Variants in ANKRD24 observed in about 807,000 individuals in gnomAD.
ANKRD24 encodes ankyrin repeat domain 24, also known as ankyrin repeat domain-containing protein 24.
ANKRD24 carries 109 observed loss-of-function variants against 127.8 expected under a neutral mutation model. That is an observed-to-expected ratio of 0.85 (90% CI 0.73 to 1.00). The LOEUF (loss-of-function observed/expected upper bound fraction) is 1.00. ANKRD24 is among the 50% of genes least tolerant of loss of function. The pLI is 0.00. For missense variants in ANKRD24, 1,648 were observed against 1,570.2 expected (o/e 1.05, Z -0.84); for synonymous variants, 743 against 671.1 (o/e 1.11, Z -1.66).
In ANKRD24 at chr19:4,198,695, G is replaced by T. The variant is rs1369762157; in HGVS notation, c.37-988G>T. Among the ~76,000 whole-genome samples the T allele has an allele frequency of 1.3e-5, 2 of 152,230 alleles. No homozygotes were observed. Among genetic ancestry groups the T allele is most frequent in the Non-Finnish European group, 2.9e-5 (2 of 68,034 alleles). The stretch of plus-strand genomic sequence containing the variant: ...GAACAGAGGTTGGGGCAGCTTTTGG[G>T]GGAATGGAAGAGACATTTGGGGAGA... On this transcript the variant is annotated intron_variant, in intron 2 of 21. Coordinates refer to ENST00000318934, the MANE Select transcript of ANKRD24 (RefSeq NM_001393985.1). This position sits in a 1 kb window ranked among gnomAD's most constrained non-coding sequence, Gnocchi z 6.1.
chr19:4,221,874 C>T (rs1217540991), intron 19 of ANKRD24, among the ~76,000 whole-genome samples: 10 of 152,152 alleles, frequency 6.6e-5, no homozygotes, highest in African/African-American at 1.7e-4. Context: ...GACTGAGCAG[C>T]GTCCTTGACC....
chr19:4,191,375 TCTC>T (rs1968376623), intron 2 of ANKRD24, among the ~76,000 whole-genome samples: 3 of 152,146 alleles, frequency 2.0e-5, no homozygotes, highest in African/African-American at 7.2e-5. Context: ...CTGCTACCCC[TCTC>T]CTCCTCTCCT....
At chr19:4,183,974 G>T (rs111867062) in intron 1 of ANKRD24, among the ~76,000 whole-genome samples, 54 of 152,176 alleles carry the variant, frequency 3.5e-4, no homozygotes, top group African/African-American at 1.3e-3. Context: ...GTGACATGAA[G>T]TACAGAAAGA....
Position 4,207,865 on chromosome 19 carries a change from C to A in ANKRD24, c.729C>A (p.Thr243=). Residue 243 remains threonine (T), a synonymous_variant, in exon 10 of 22, where the codon ACC becomes ACA. Coordinates refer to ENST00000318934, the MANE Select transcript of ANKRD24 (RefSeq NM_001393985.1). ...AGGGCGGAGCCCAGCCGGGCATCAC[C>A]GATGCGCTGGGGCAGGACGCGGCTC... The part of the protein sequence containing the change: ...LLQGGAQPGI[T]DALGQDAAHY... 6.4e-7 allele frequency: 1 copy of A among 1,560,952 alleles called. No homozygotes were observed. Among genetic ancestry groups the A allele is most frequent in the Non-Finnish European group, 8.7e-7 (1 of 1,155,276 alleles).
chr19:4,216,418 C>T lies in ANKRD24; in HGVS notation c.1389+16C>T, dbSNP rs1307670192. The T allele has an allele frequency of 1.3e-6, 2 of 1,559,914 alleles. No homozygotes were observed. The highest frequency in any genetic ancestry group is 1.7e-6 in the Non-Finnish European group (2 of 1,151,826). On this transcript the variant is annotated intron_variant, in intron 17 of 21. Coordinates refer to ENST00000318934, the MANE Select transcript of ANKRD24 (RefSeq NM_001393985.1). ...GAAGGTCCAGGTAGGGAAAGTGAGGCTGGGGACAGATCTGAGGACCTAGGG... is the reference window on the plus strand; with the variant it reads ...GAAGGTCCAGGTAGGGAAAGTGAGGTTGGGGACAGATCTGAGGACCTAGGG...
At position 4,217,617 on chromosome 19, in the gene ANKRD24, G is replaced by A. The variant is rs1313308524; in HGVS notation, c.2457G>A (p.Arg819=). The change falls in exon 18 of 22, where the codon CGG becomes CGA. Residue 819 remains arginine (R), a synonymous_variant. Coordinates refer to ENST00000318934, the MANE Select transcript of ANKRD24 (RefSeq NM_001393985.1). The stretch of plus-strand genomic sequence containing the variant: ...CCTCGGCCTGCCTGGATGAGGCTCG[G>A]GCCAGCCGGCTGCTGGCGGAGGAGG... ...EAASACLDEA[R]ASRLLAEEEA... 3 of 1,289,972 alleles carry A rather than the reference G, an allele frequency of 2.3e-6. No homozygotes were observed. The South Asian group carries it at 7.0e-5, about 30-fold the overall frequency. 79.9% of individuals were successfully genotyped at this position (1,289,972 alleles called of 1,614,324 possible). A position where few individuals can be genotyped will look rare whatever the true frequency, so the allele number is the denominator to read the frequency against.
intron 1 of ANKRD24, among the ~76,000 whole-genome samples, chr19:4,185,663 A>T (rs1161118141): frequency 6.6e-6 from 1 of 152,222 alleles, no homozygotes; most frequent in Non-Finnish European, 1.5e-5. Flanking sequence ...GCATGCAGCC[A>T]TTGCCCCAGA....
At chr19:4,223,401 A>ATATTTTT (rs1192232980) in intron 20 of ANKRD24, among the ~76,000 whole-genome samples, 2 of 53,344 alleles carry the variant, frequency 3.7e-5, no homozygotes, top group African/African-American at 1.9e-4. Context: ...ATATATATAT[A>ATATTTTT]TTTTTTTTTT....
At chr19:4,211,022 G>A (rs146199678) in intron 13 of ANKRD24, among the ~76,000 whole-genome samples, 1,772 of 151,722 alleles carry the variant, frequency 0.012, 38 homozygotes, top group African/African-American at 0.041. Flanking sequence ...TAGTAGAGAC[G>A]GGGTTTCAGC....
At position 4,222,811 on chromosome 19, in the gene ANKRD24, C is replaced by CG. The variant is rs1568348469; in HGVS notation, c.3297+17dup. On this transcript the variant is annotated intron_variant, in intron 20 of 21. Coordinates refer to ENST00000318934, the MANE Select transcript of ANKRD24 (RefSeq NM_001393985.1). Reference sequence around the variant, plus strand: ...GCAGCTGCAGGTAAGGACTGGGCCACGCAGGGGCCAGGGGACCATCAGGGT... The same window carrying CG: ...GCAGCTGCAGGTAAGGACTGGGCCACGGCAGGGGCCAGGGGACCATCAGGGT... 1 of 1,592,706 alleles carries CG rather than the reference C, an allele frequency of 6.3e-7. No individual in the cohort carries two copies. The highest frequency in any genetic ancestry group is 1.1e-5 in the South Asian group (1 of 89,554).
At chr19:4,223,399 A>ATTTTTTTTTTTTTTT (rs1248797551) in intron 20 of ANKRD24, among the ~76,000 whole-genome samples, 2 of 56,354 alleles carry the variant, frequency 3.5e-5, no homozygotes, top group African/African-American at 1.6e-4. Flanking sequence ...ATATATATAT[A>ATTTTTTTTTTTTTTT]TATTTTTTTT....
At chr19:4,189,056 C>T (rs1394653116) in intron 2 of ANKRD24, among the ~76,000 whole-genome samples, 3 of 151,426 alleles carry the variant, frequency 2.0e-5, no homozygotes, top group East Asian at 1.9e-4. Context: ...GTGATTTGCC[C>T]GCCTCAGCCT....
At chr19:4,209,016 G>A in intron 11 of ANKRD24, 1 of 435,080 alleles carries the variant, frequency 2.3e-6, no homozygotes, top group Non-Finnish European at 4.2e-6. Context: ...CCAAATTATG[G>A]GGCTGGGGTG....
chr19:4,205,234 C>CA (rs1969319625), intron 7 of ANKRD24, among the ~76,000 whole-genome samples: 3 of 152,150 alleles, frequency 2.0e-5, no homozygotes, highest in South Asian at 4.1e-4. Context: ...GACCCCATCT[C>CA]AAAAAAACCA....
At chr19:4,202,268 A>G (rs1287404118) in intron 6 of ANKRD24, among the ~76,000 whole-genome samples, 178 bp downstream of exon 6, 3 of 151,936 alleles carry the variant, frequency 2.0e-5, no homozygotes, top group Non-Finnish European at 2.9e-5. Context: ...TGCTTCTCCT[A>G]TTTAAGATGT....
At chr19:4,224,105 C>T (rs779549826) in intron 20 of ANKRD24, 22 bp from the exon 21 acceptor site, 42 of 1,608,038 alleles carry the variant, frequency 2.6e-5, no homozygotes, top group Admixed American at 2.0e-4. Flanking sequence ...CTCTTCTGAG[C>T]GCCCCTTCCT....
chr19:4,184,446 A>C (rs895611301), intron 1 of ANKRD24, among the ~76,000 whole-genome samples: 6 of 152,180 alleles, frequency 3.9e-5, no homozygotes, highest in Non-Finnish European at 5.9e-5. Context: ...ACCCTGACAC[A>C]CACATGCACT....
In ANKRD24 at chr19:4,198,480, G is replaced by GCGCCCCA. The variant is rs1260247754; in HGVS notation, c.37-1197_37-1196insACGCCCC. On this transcript the variant is annotated intron_variant, in intron 2 of 21. Transcript: ENST00000318934. The surrounding 1 kb of genome is among the most constrained non-coding windows in gnomAD (Gnocchi z 6.1). ...GAACCCCGTGCGCCCCCCGCGCCCC[G>GCGCCCCA]CGCCCCGGACGCCATGAAGCAGCTG... 3.2e-5 allele frequency: 20 copies of GCGCCCCA among 618,506 alleles called. No homozygotes were observed. The highest frequency in any genetic ancestry group is 5.8e-5 in the Non-Finnish European group (20 of 343,730). 38.3% of individuals were successfully genotyped at this position (618,506 alleles called of 1,614,324 possible). A position where few individuals can be genotyped will look rare whatever the true frequency, so the allele number is the denominator to read the frequency against.
intron 15 of ANKRD24, 95 bp from the exon 16 acceptor site, chr19:4,215,882 AG>A (rs1970034007): frequency 1.1e-6 from 1 of 904,624 alleles, no homozygotes; most frequent in Non-Finnish European, 1.7e-6. Context: ...GGAGACATAC[AG>A]GTATGTGAAC....
Sources: gnomAD v4.1 joint callset for allele counts (sites outside exome capture counted in the v4.1 genomes callset) on GRCh38, gnomAD v4.1.1 for gene constraint, Gnocchi (gnomAD v3.1) non-coding constraint, MANE v1.5 for transcripts, NCBI Gene and HGNC (gene_info 2026-07-23, HGNC 2026-07-21) for gene names.